Variants in NPFFR1 observed in about 807,000 individuals in gnomAD.
NPFFR1 encodes neuropeptide FF receptor 1, also known as G-protein coupled receptor 147.
Under a neutral mutation model 12.7 loss-of-function variants are expected in NPFFR1, and 17 were observed. The observed-to-expected ratio is 1.34, with a 90% confidence interval of 0.92 to 2.01. The LOEUF is 2.01. NPFFR1 is among the 30% of genes most tolerant of loss of function. The probability of loss-of-function intolerance (pLI) is 0.00; values close to 1 mark genes in which losing one functional copy is unlikely to be tolerated. For synonymous variants in NPFFR1, 296 were observed against 264.5 expected (o/e 1.12, Z -1.16); for missense variants, 604 against 606.5 (o/e 1.00, Z 0.04).
chr10:70,262,365 C>T (rs936326586), intron 2 of NPFFR1, among the ~76,000 whole-genome samples: 27 of 152,112 alleles, frequency 1.8e-4, no homozygotes, highest in South Asian at 4.1e-4. Context: ...AAGGAACACA[C>T]GAACTGGAGT....
rs1170605260 is a variant in NPFFR1, at chr10:70,252,006, G to A, written c.*2951C>T. ...GTCAGCCATAAAGGGTAAGTTGGGA[G>A]AGACCCTGGTTCCCAACCTGGGGTC... is the stretch of plus-strand genomic sequence containing the variant. On this transcript the variant is annotated 3_prime_UTR_variant, in exon 4 of 4. Transcript: ENST00000277942. 1 of 152,196 alleles carries A rather than the reference G, an allele frequency of 6.6e-6. No homozygotes were observed. The highest frequency in any genetic ancestry group is 1.9e-4 in the East Asian group (1 of 5,184). 9.4% of individuals were successfully genotyped at this position (152,196 alleles called of 1,614,324 possible). A position where few individuals can be genotyped will look rare whatever the true frequency, so the allele number is the denominator to read the frequency against.
chr10:70,261,008 T>C (rs768710098), intron 2 of NPFFR1, among the ~76,000 whole-genome samples: 1 of 152,086 alleles, frequency 6.6e-6, no homozygotes, highest in South Asian at 2.1e-4. Flanking sequence ...CATAATCAAG[T>C]CCTGCAGTCA....
chr10:70,268,775 G>A (rs1006804216), intron 1 of NPFFR1, among the ~76,000 whole-genome samples: 3 of 152,160 alleles, frequency 2.0e-5, no homozygotes, highest in Admixed American at 6.5e-5. Flanking sequence ...TTCACATCAC[G>A]TCTGTCACAT....
intron 1 of NPFFR1, among the ~76,000 whole-genome samples, chr10:70,266,774 A>C (rs975677207): frequency 6.6e-6 from 1 of 152,148 alleles, no homozygotes; most frequent in Middle Eastern, 3.2e-3. Context: ...CCAGGCCCTG[A>C]AGGAGATGGG....
chr10:70,271,991 C>T (rs1383484264), intron 1 of NPFFR1, among the ~76,000 whole-genome samples: 1 of 151,732 alleles, frequency 6.6e-6, no homozygotes, highest in East Asian at 1.9e-4. Flanking sequence ...GTGGTGGGCC[C>T]CTGTAGTCCC....
At chr10:70,260,314 G>A (rs564345215) in intron 3 of NPFFR1, among the ~76,000 whole-genome samples, 1 of 152,150 alleles carries the variant, frequency 6.6e-6, no homozygotes, top group Non-Finnish European at 1.5e-5. Flanking sequence ...GGCTCACCTG[G>A]CTCAGACTTA....
At chr10:70,275,840 G>T (rs541161742) in intron 1 of NPFFR1, among the ~76,000 whole-genome samples, 2 of 152,202 alleles carry the variant, frequency 1.3e-5, no homozygotes, top group South Asian at 2.1e-4. Context: ...TCTCTGACAA[G>T]GAAAGGAGAA....
In NPFFR1 at chr10:70,252,532, T is replaced by C. The variant is rs1051545039; in HGVS notation, c.*2425A>G. The C allele has an allele frequency of 1.3e-5, 2 of 152,208 alleles. No individual in the cohort carries two copies. The highest frequency in any genetic ancestry group is 4.8e-5 in the African/African-American group (2 of 41,440). 9.4% of individuals were successfully genotyped at this position (152,208 alleles called of 1,614,324 possible). ...AATGGCCAAAATGGTAAATTCTATA[T>C]TATTTATATTTTACCACATCCACAA... On this transcript the variant is annotated 3_prime_UTR_variant, in exon 4 of 4. Transcript: ENST00000277942.
chr10:70,262,016 T>G (rs1476031062), intron 2 of NPFFR1, among the ~76,000 whole-genome samples: 2 of 152,232 alleles, frequency 1.3e-5, no homozygotes, highest in Non-Finnish European at 2.9e-5. Flanking sequence ...ATATGGTTAT[T>G]TTCTCATTGT....
chr10:70,280,989 G>A (rs931203999), intron 1 of NPFFR1, among the ~76,000 whole-genome samples: 2 of 151,532 alleles, frequency 1.3e-5, no homozygotes, highest in Admixed American at 6.6e-5. Flanking sequence ...GCAACAGGGC[G>A]AGACTCCGTC....
In NPFFR1 at chr10:70,253,470, T is replaced by C. The variant is rs1840532129; in HGVS notation, c.*1487A>G. ...CTTGGCCCCTTTGAGCTTCAGTCAC[T>C]TTGTGAAATGACAATAACATTCAAT... On this transcript the variant is annotated 3_prime_UTR_variant, in exon 4 of 4. Coordinates refer to ENST00000277942, the MANE Select transcript of NPFFR1 (RefSeq NM_022146.5). The C allele has an allele frequency of 6.6e-6, 1 of 152,188 alleles. No individual in the cohort carries two copies. The highest frequency in any genetic ancestry group is 2.4e-5 in the African/African-American group (1 of 41,434). 9.4% of individuals were successfully genotyped at this position (152,188 alleles called of 1,614,324 possible).
At position 70,281,002 on chromosome 10, in the gene NPFFR1, A is replaced by AAAC. The variant is rs144095454; in HGVS notation, c.7+2665_7+2667dup. 6.6e-3 allele frequency among the ~76,000 whole-genome samples: 1,010 copies of AAAC among 151,980 alleles called. 2 individuals carry two copies. Among genetic ancestry groups the AAAC allele is most frequent in the Non-Finnish European group, 0.011 (753 of 67,948 alleles). On this transcript the variant is annotated intron_variant, in intron 1 of 3. Coordinates refer to ENST00000277942, the MANE Select transcript of NPFFR1 (RefSeq NM_022146.5). The stretch of plus-strand genomic sequence containing the variant: ...GGGCAACAGGGCGAGACTCCGTCTC[A>AAAC]AACAACAACAACAACAACAACAAAG...
At chr10:70,264,349 G>A (rs1290273049) in intron 2 of NPFFR1, among the ~76,000 whole-genome samples, 9 of 116,182 alleles carry the variant, frequency 7.7e-5, no homozygotes, top group East Asian at 7.7e-4. Context: ...ATTCCAGCCC[G>A]GGTGACAGTG....
intron 1 of NPFFR1, among the ~76,000 whole-genome samples, chr10:70,275,113 G>T (rs1023769258): frequency 2.4e-4 from 36 of 152,302 alleles, no homozygotes; most frequent in African/African-American, 8.4e-4. Context: ...ATTTGGATTG[G>T]CAAAGGCCAA....
chr10:70,248,501 T>TTTTTTTTTTTG lies in NPFFR1; in HGVS notation c.*6455_*6456insCAAAAAAAAAA. On this transcript the variant is annotated 3_prime_UTR_variant, in exon 4 of 4. Coordinates refer to ENST00000277942, the MANE Select transcript of NPFFR1 (RefSeq NM_022146.5). The stretch of plus-strand genomic sequence containing the variant: ...TTGTTTTTTGTTTTTTTTTTTTTTT[T>TTTTTTTTTTTG]TTGAGATGGAGTCTCACTCTGTTGC... 7.4e-6 allele frequency: 1 copy of TTTTTTTTTTTG among 135,714 alleles called. No individual in the cohort carries two copies. The highest frequency in any genetic ancestry group is 2.7e-5 in the African/African-American group (1 of 37,266). The allele number at this position is 135,714 out of a possible 1,614,324, so 8.4% of individuals were successfully genotyped here.
Position 70,247,642 on chromosome 10 carries a change from A to C in NPFFR1, c.*7315T>G, listed in dbSNP as rs1840463447. ...TACTCCTCAAACAGAGAGTGATTTA[A>C]CACCACCACTGGCTATGTGACAGAT... On this transcript the variant is annotated 3_prime_UTR_variant, in exon 4 of 4. Transcript: ENST00000277942. The C allele has an allele frequency of 6.6e-6, 1 of 152,208 alleles. No individual in the cohort carries two copies. The highest frequency in any genetic ancestry group is 2.4e-5 in the African/African-American group (1 of 41,462). 9.4% of individuals were successfully genotyped at this position (152,208 alleles called of 1,614,324 possible).
intron 3 of NPFFR1, 135 bp downstream of exon 3, chr10:70,260,505 T>C (rs1840620436): frequency 5.1e-6 from 4 of 790,460 alleles, no homozygotes; most frequent in Non-Finnish European, 8.4e-6. Flanking sequence ...GCCCTTCTCC[T>C]TGTGGCTCAG....
intron 1 of NPFFR1, among the ~76,000 whole-genome samples, chr10:70,270,428 G>A (rs1335479778): frequency 1.3e-5 from 2 of 152,194 alleles, no homozygotes; most frequent in African/African-American, 4.8e-5. Context: ...GGATCTGTGG[G>A]TATGGATGGG....
chr10:70,276,584 C>CT (rs57759018), intron 1 of NPFFR1, among the ~76,000 whole-genome samples: 34,620 of 117,052 alleles, frequency 0.3, 6,309 homozygotes, highest in East Asian at 0.45. Context: ...ATGTTTGTAT[C>CT]TTTTTTTTTT....
Sources: gnomAD v4.1 joint callset for allele counts (sites outside exome capture counted in the v4.1 genomes callset) on GRCh38, gnomAD v4.1.1 for gene constraint, MANE v1.5 for transcripts, NCBI Gene and HGNC (gene_info 2026-07-23, HGNC 2026-07-21) for gene names.